The following GLCCI1 variants were observed in gnomAD, a reference collection of about 807,000 sequenced individuals.
The protein encoded by GLCCI1 is glucocorticoid-induced transcript 1 protein.
A neutral mutation model predicts 52.2 loss-of-function variants in GLCCI1; 24 were observed. The ratio of observed to expected loss-of-function variants is 0.46; its 90% CI spans 0.33 to 0.65. GLCCI1 has a LOEUF of 0.65. Among genes scored for constraint, GLCCI1 ranks in the 30% least tolerant of loss-of-function variants. The pLI is 0.02. For synonymous variants in GLCCI1, 310 were observed against 276.5 expected, an observed-to-expected ratio of 1.12 and a Z score of -1.20; for missense variants, 704 against 701.5, an observed-to-expected ratio of 1.00 and a Z score of -0.04.
intron 1 of GLCCI1, among the ~76,000 whole-genome samples, chr7:8,001,905 T>C (rs542813730): frequency 5.9e-5 from 9 of 152,062 alleles, no homozygotes; most frequent in African/African-American, 1.2e-4. Flanking sequence ...ATGAGAACAC[T>C]TGGACACAGG....
intron 5 of GLCCI1, among the ~76,000 whole-genome samples, chr7:8,060,942 A>C (rs1782501290): frequency 6.6e-6 from 1 of 152,182 alleles, no homozygotes; most frequent in African/African-American, 2.4e-5. Context: ...ACCAGTGTAT[A>C]AGAATTCCAG....
chr7:8,084,563 TG>T (rs759084857), intron 6 of GLCCI1: 21 of 185,752 alleles, frequency 1.1e-4, no homozygotes, highest in African/African-American at 1.7e-4. Context: ...TTCTTCTGTG[TG>T]ACTTAAGCAC....
chr7:8,058,339 G>A (rs543521024), intron 4 of GLCCI1, among the ~76,000 whole-genome samples: 8 of 152,128 alleles, frequency 5.3e-5, no homozygotes, highest in Non-Finnish European at 1.0e-4. Context: ...TGAAATTAAT[G>A]TACAAATTGT....
intron 1 of GLCCI1, among the ~76,000 whole-genome samples, chr7:8,000,475 G>GA (rs1781030585): frequency 2.0e-5 from 3 of 151,820 alleles, no homozygotes. Flanking sequence ...TCCAAAATAG[G>GA]AAAAAATTAC....
intron 4 of GLCCI1, among the ~76,000 whole-genome samples, chr7:8,056,688 T>G (rs1221218078): frequency 6.6e-6 from 1 of 152,144 alleles, no homozygotes; most frequent in Non-Finnish European, 1.5e-5. Flanking sequence ...AAAACCAAAG[T>G]AGAAAAGACA....
At chr7:8,022,213 G>T (rs1404992049) in intron 2 of GLCCI1, among the ~76,000 whole-genome samples, 1 of 151,972 alleles carries the variant, frequency 6.6e-6, no homozygotes, top group Non-Finnish European at 1.5e-5. Context: ...TATTCCCTTT[G>T]AATTTTATAA....
rs539484142 is a variant in GLCCI1 at position 7,996,372 on chromosome 7, C to CA, written c.458-7529dup. 3.6e-3 allele frequency among the ~76,000 whole-genome samples: 541 copies of CA among 151,100 alleles called. 4 individuals carry two copies. The highest frequency in any genetic ancestry group is 0.014 in the Middle Eastern group (4 of 290). On this transcript the variant is annotated intron_variant, in intron 1 of 7. Coordinates refer to ENST00000223145, the MANE Select transcript of GLCCI1 (RefSeq NM_138426.4). ...AAAGGACTATCATTCTGCCACCTCC[C>CA]AAAAAAACGAACTTAAAAAAATCTT...
At chr7:7,998,416 A>G (rs1018782997) in intron 1 of GLCCI1, among the ~76,000 whole-genome samples, 1 of 152,070 alleles carries the variant, frequency 6.6e-6, no homozygotes, top group African/African-American at 2.4e-5. Context: ...GGGTTTCGCC[A>G]TTTTGGCCAA....
intron 7 of GLCCI1, among the ~76,000 whole-genome samples, chr7:8,085,482 G>A (rs185119068): frequency 1.1e-4 from 17 of 152,326 alleles, no homozygotes; most frequent in Admixed American, 9.8e-4. Context: ...ATATGTGTAA[G>A]TTAGAAATGA....
chr7:8,023,585 A>ATTTTT (rs1268659559), intron 3 of GLCCI1, among the ~76,000 whole-genome samples: 1 of 39,778 alleles, frequency 2.5e-5, no homozygotes. Flanking sequence ...AATCTCTGTT[A>ATTTTT]TTCTTTTTTT....
intron 1 of GLCCI1, among the ~76,000 whole-genome samples, chr7:7,986,190 T>C (rs960036006): frequency 6.6e-6 from 1 of 152,168 alleles, no homozygotes; most frequent in Non-Finnish European, 1.5e-5. Flanking sequence ...AGTACAGGAA[T>C]TCGTATTCAA....
At chr7:7,980,597 T>C in intron 1 of GLCCI1, 1 of 691,914 alleles carries the variant, frequency 1.4e-6, no homozygotes. Flanking sequence ...ATTTTTGGCC[T>C]AGGATTGTAT....
At chr7:8,054,489 A>G (rs749887004) in intron 3 of GLCCI1, among the ~76,000 whole-genome samples, 5 of 152,260 alleles carry the variant, frequency 3.3e-5, no homozygotes, top group African/African-American at 4.8e-5. Flanking sequence ...TTTCTCTTCT[A>G]TTAACCACAG....
chr7:7,974,310 A>G (rs928958077), intron 1 of GLCCI1, among the ~76,000 whole-genome samples: 44 of 152,320 alleles, frequency 2.9e-4, no homozygotes, highest in African/African-American at 9.9e-4. Flanking sequence ...TTCCTCTCAA[A>G]TAACTGTTAT....
At chr7:8,026,442 A>G (rs1781622420) in intron 3 of GLCCI1, among the ~76,000 whole-genome samples, 1 of 152,242 alleles carries the variant, frequency 6.6e-6, no homozygotes, top group African/African-American at 2.4e-5. Context: ...CTGCACAGGG[A>G]AAAACACCAT....
intron 2 of GLCCI1, among the ~76,000 whole-genome samples, chr7:8,020,116 A>C (rs942448825): frequency 1.3e-5 from 2 of 152,196 alleles, no homozygotes; most frequent in Non-Finnish European, 2.9e-5. Context: ...CATATTTTAC[A>C]ACCATAACAA....
At chr7:8,077,133 G>C (rs115288394) in intron 6 of GLCCI1, among the ~76,000 whole-genome samples, 19 of 152,186 alleles carry the variant, frequency 1.2e-4, no homozygotes, top group African/African-American at 4.3e-4. Flanking sequence ...CCTTCTTGCT[G>C]TTGGTCATGC....
chr7:8,016,078 G>A (rs1010459597), intron 2 of GLCCI1, among the ~76,000 whole-genome samples: 3 of 152,262 alleles, frequency 2.0e-5, no homozygotes, highest in African/African-American at 7.2e-5. Context: ...TTCTCAACCT[G>A]TTATATCTTG....
chr7:8,058,676 G>A (rs1243139947), intron 4 of GLCCI1, among the ~76,000 whole-genome samples: 1 of 152,074 alleles, frequency 6.6e-6, no homozygotes. Context: ...GTGAAAAACT[G>A]TAAAAATCCA....
Sources: gnomAD v4.1 joint callset for allele counts (sites outside exome capture counted in the v4.1 genomes callset) on GRCh38, gnomAD v4.1.1 for gene constraint, MANE v1.5 for transcripts, NCBI Gene and HGNC (gene_info 2026-07-23, HGNC 2026-07-21) for gene names.